The following KCNIP4 variants were observed in gnomAD, a reference collection of about 807,000 sequenced individuals.
The protein encoded by KCNIP4 is Kv channel-interacting protein 4.
In KCNIP4, 12 loss-of-function variants were observed where a neutral mutation model predicts 34.0. The observed-to-expected ratio is 0.35, with a 90% CI of 0.23 to 0.57. KCNIP4 has a LOEUF of 0.57. Ranked by LOEUF, KCNIP4 falls within the 20% of genes least tolerant of loss-of-function variation. The probability of loss-of-function intolerance (pLI) is 0.83; values close to 1 mark genes in which losing one functional copy is unlikely to be tolerated. For missense variants in KCNIP4, 238 were observed against 311.7 expected (o/e 0.76, Z 1.78); for synonymous variants, 124 against 102.2 (o/e 1.21, Z -1.29).
chr4:21,408,168 G>T (rs373149533), intron 1 of KCNIP4, among the ~76,000 whole-genome samples: 17 of 152,084 alleles, frequency 1.1e-4, no homozygotes, highest in African/African-American at 3.9e-4. Context: ...AAACCAAAGG[G>T]CAATAAGTGT....
At chr4:21,892,572 T>C (rs1294872962) in intron 1 of KCNIP4, among the ~76,000 whole-genome samples, 3 of 135,924 alleles carry the variant, frequency 2.2e-5, no homozygotes, top group Non-Finnish European at 5.0e-5. Context: ...AAAAAAACTA[T>C]TGATTTTGCA....
chr4:20,732,149 T>TA, intron 7 of KCNIP4, 81 bp from the exon 8 acceptor site: 2 of 956,080 alleles, frequency 2.1e-6, no homozygotes, highest in Non-Finnish European at 3.3e-6. Flanking sequence ...CTGAAGCTGA[T>TA]AAAAAGAAAA....
chr4:21,445,341 G>A (rs1405043603), intron 1 of KCNIP4, among the ~76,000 whole-genome samples: 3 of 152,142 alleles, frequency 2.0e-5, no homozygotes, highest in Admixed American at 6.6e-5. Flanking sequence ...AAACAACAAA[G>A]CTGGAGGCAT....
Position 21,689,887 on chromosome 4 carries a change from C to G in KCNIP4, c.61+258684G>C, listed in dbSNP as rs896200101. Among the ~76,000 whole-genome samples, 3 of 151,854 alleles carry G rather than the reference C, an allele frequency of 2.0e-5. No homozygotes were observed. In the South Asian group the frequency reaches 6.2e-4, roughly 31 times the overall value. The stretch of plus-strand genomic sequence containing the variant: ...TCCTCAGACATTATTACATGTTGAT[C>G]TACTGCAGGGTTTTATTCACCCTCC... On this transcript the variant is annotated intron_variant, in intron 1 of 8. Coordinates refer to ENST00000382152, the MANE Select transcript of KCNIP4 (RefSeq NM_025221.6).
intron 1 of KCNIP4, among the ~76,000 whole-genome samples, chr4:21,658,531 T>G (rs1283676719): frequency 1.3e-5 from 2 of 152,126 alleles, no homozygotes; most frequent in Non-Finnish European, 2.9e-5. Flanking sequence ...TTCTCCTTCC[T>G]TAGCTTCCTG....
intron 1 of KCNIP4, among the ~76,000 whole-genome samples, chr4:21,605,410 T>C (rs1038182539): frequency 4.6e-5 from 7 of 152,224 alleles, no homozygotes; most frequent in Non-Finnish European, 8.8e-5. Flanking sequence ...TTCTTGTGCC[T>C]TGCTCTGTCA....
At chr4:21,104,368 G>T (rs1748275060) in intron 1 of KCNIP4, among the ~76,000 whole-genome samples, 1 of 152,120 alleles carries the variant, frequency 6.6e-6, no homozygotes, top group African/African-American at 2.4e-5. Flanking sequence ...TTTTTCATGT[G>T]TCTGTTGGCT....
intron 1 of KCNIP4, among the ~76,000 whole-genome samples, chr4:21,556,929 A>AAAAAAAAAAAAAAAAAAAAAAAAAAAC (rs1739091307): frequency 6.8e-6 from 1 of 147,690 alleles, no homozygotes; most frequent in African/African-American, 2.5e-5. Context: ...TCAGAAAAAA[A>AAAAAAAAAAAAAAAAAAAAAAAAAAAC]AAAAAAAAAA....
chr4:21,530,875 C>T (rs1347828195), intron 1 of KCNIP4, among the ~76,000 whole-genome samples: 1 of 152,132 alleles, frequency 6.6e-6, no homozygotes, highest in East Asian at 1.9e-4. Context: ...CAGGACAGAT[C>T]ACCAGAGCAT....
chr4:21,506,352 G>T (rs1416936709), intron 1 of KCNIP4, among the ~76,000 whole-genome samples: 1 of 152,152 alleles, frequency 6.6e-6, no homozygotes, highest in Admixed American at 6.5e-5. Flanking sequence ...ACTCTATTTT[G>T]TGTGAAATGA....
intron 1 of KCNIP4, among the ~76,000 whole-genome samples, chr4:21,489,642 T>C (rs1732208238): frequency 6.6e-6 from 1 of 152,154 alleles, no homozygotes; most frequent in South Asian, 2.1e-4. Context: ...GCATCAATAA[T>C]ACATTTAATT....
chr4:20,768,966 G>T (rs1188584974), intron 3 of KCNIP4, among the ~76,000 whole-genome samples: 1 of 151,692 alleles, frequency 6.6e-6, no homozygotes, highest in Non-Finnish European at 1.5e-5. Flanking sequence ...AGTTCTCAGG[G>T]TCACCCAGGA....
intron 1 of KCNIP4, among the ~76,000 whole-genome samples, chr4:21,409,741 T>C (rs964042716): frequency 2.6e-5 from 4 of 152,136 alleles, no homozygotes; most frequent in African/African-American, 9.7e-5. Flanking sequence ...GAACTGAATA[T>C]AATAAGGTAA....
At chr4:21,219,952 A>G (rs1010161719) in intron 1 of KCNIP4, among the ~76,000 whole-genome samples, 2 of 152,234 alleles carry the variant, frequency 1.3e-5, no homozygotes, top group Non-Finnish European at 2.9e-5. Flanking sequence ...AACACAATAT[A>G]TAAGACAGAT....
chr4:20,948,435 C>T (rs1353155081), intron 1 of KCNIP4, among the ~76,000 whole-genome samples: 1 of 152,260 alleles, frequency 6.6e-6, no homozygotes. Context: ...TGCCTCTGCT[C>T]CTATCTTTCC....
At chr4:21,202,848 A>G (rs975356680) in intron 1 of KCNIP4, among the ~76,000 whole-genome samples, 1 of 152,176 alleles carries the variant, frequency 6.6e-6, no homozygotes, top group Non-Finnish European at 1.5e-5. Context: ...AGAATCTACA[A>G]GGGCTACTAG....
At chr4:21,039,005 C>T (rs556948167) in intron 1 of KCNIP4, among the ~76,000 whole-genome samples, 7 of 152,246 alleles carry the variant, frequency 4.6e-5, no homozygotes, top group Admixed American at 3.3e-4. Flanking sequence ...GTTTTGTCAA[C>T]GGCACCAGAT....
intron 1 of KCNIP4, among the ~76,000 whole-genome samples, chr4:21,390,559 A>T (rs967203914): frequency 6.6e-6 from 1 of 152,166 alleles, no homozygotes; most frequent in African/African-American, 2.4e-5. Flanking sequence ...TTAAATAGGG[A>T]ATCCTTTCCC....
chr4:21,566,515 C>T (rs1739901107), intron 1 of KCNIP4, among the ~76,000 whole-genome samples: 1 of 152,112 alleles, frequency 6.6e-6, no homozygotes, highest in Non-Finnish European at 1.5e-5. Flanking sequence ...GACATGTCTG[C>T]TTCCCCATTC....
Sources: gnomAD v4.1 joint callset for allele counts (sites outside exome capture counted in the v4.1 genomes callset) on GRCh38, gnomAD v4.1.1 for gene constraint, MANE v1.5 for transcripts, NCBI Gene and HGNC (gene_info 2026-07-23, HGNC 2026-07-21) for gene names.